NOS1AP: variants seen among roughly 807,000 people sequenced by gnomAD.
NOS1AP encodes the protein carboxyl-terminal PDZ ligand of neuronal nitric oxide synthase protein.
NOS1AP carries 21 observed loss-of-function variants against 56.2 expected under a neutral mutation model. The ratio of observed to expected loss-of-function variants is 0.37; its 90% CI spans 0.26 to 0.54. The LOEUF is 0.54. NOS1AP is among the 20% of genes least tolerant of loss of function. NOS1AP has a pLI of 0.84. For synonymous variants in NOS1AP, 270 were observed against 274.6 expected (o/e 0.98, Z 0.17); for missense variants, 522 against 657.8 (o/e 0.79, Z 2.26).
chr1:162,322,788 A>G (rs1656463637), intron 4 of NOS1AP, among the ~76,000 whole-genome samples: 1 of 152,194 alleles, frequency 6.6e-6, no homozygotes, highest in South Asian at 2.1e-4. Context: ...GGAATAAAAA[A>G]ATCCAGGCTT....
At chr1:162,176,213 A>G (rs1048561130) in intron 2 of NOS1AP, among the ~76,000 whole-genome samples, 1 of 152,170 alleles carries the variant, frequency 6.6e-6, no homozygotes, top group African/African-American at 2.4e-5. Context: ...CTCTTGTGCT[A>G]TAAAGTTCTG....
chr1:162,236,648 C>G (rs927767174), intron 2 of NOS1AP, among the ~76,000 whole-genome samples: 3 of 152,224 alleles, frequency 2.0e-5, no homozygotes, highest in South Asian at 2.1e-4. Flanking sequence ...CTCCAGCCCC[C>G]CTTTCCCTCT....
Position 162,070,056 on chromosome 1 carries a change from C to T in NOS1AP, c.-122C>T, listed in dbSNP as rs1198582261. The stretch of plus-strand genomic sequence containing the variant: ...CGCCGCGCGGCCAGGGCTCCCCCTG[C>T]CCAGCGCTCCCAGGCCCCGCCACGC... On this transcript the variant is annotated 5_prime_UTR_variant, in exon 1 of 10. Coordinates refer to ENST00000361897, the MANE Select transcript of NOS1AP (RefSeq NM_014697.3). 4.2e-6 allele frequency: 3 copies of T among 718,810 alleles called. No individual in the cohort carries two copies. The East Asian group carries it at 1.0e-4, about 24-fold the overall frequency. The allele number at this position is 718,810 out of a possible 1,614,324, so 44.5% of individuals were successfully genotyped here.
At chr1:162,208,970 T>C (rs1652255175) in intron 2 of NOS1AP, among the ~76,000 whole-genome samples, 1 of 152,252 alleles carries the variant, frequency 6.6e-6, no homozygotes, top group East Asian at 1.9e-4. Context: ...AGTTTTCATT[T>C]TGCTTTCCTT....
At chr1:162,084,713 C>G (rs1691966087) in intron 1 of NOS1AP, among the ~76,000 whole-genome samples, 1 of 152,102 alleles carries the variant, frequency 6.6e-6, no homozygotes, top group Non-Finnish European at 1.5e-5. Flanking sequence ...GGGTCTCACC[C>G]TGTCACCTGT....
At chr1:162,074,921 A>T (rs997751385) in intron 1 of NOS1AP, among the ~76,000 whole-genome samples, 3 of 152,166 alleles carry the variant, frequency 2.0e-5, no homozygotes, top group African/African-American at 7.2e-5. Context: ...GGGTGTTCCA[A>T]GCAGGAAAGC....
chr1:162,144,411 A>AG (rs1410559754), intron 1 of NOS1AP, among the ~76,000 whole-genome samples: 1 of 152,188 alleles, frequency 6.6e-6, no homozygotes, highest in East Asian at 1.9e-4. Flanking sequence ...ATCACATTCG[A>AG]GGTCACTTAA....
At chr1:162,150,870 A>G (rs765362080) in intron 1 of NOS1AP, among the ~76,000 whole-genome samples, 28 of 152,192 alleles carry the variant, frequency 1.8e-4, no homozygotes, top group Non-Finnish European at 3.8e-4. Flanking sequence ...ATCCCTTGTC[A>G]GATAGGAAGT....
chr1:162,219,347 A>G (rs1284784093), intron 2 of NOS1AP, among the ~76,000 whole-genome samples: 1 of 152,200 alleles, frequency 6.6e-6, no homozygotes, highest in Non-Finnish European at 1.5e-5. Flanking sequence ...ATATGTTTTT[A>G]GGTCTCAGAT....
chr1:162,364,952 T>C, intron 8 of NOS1AP: 1 of 1,028,340 alleles, frequency 9.7e-7, no homozygotes, highest in African/African-American at 1.7e-5. Context: ...AGTTTTGGTT[T>C]TGTTTTTTAG....
At chr1:162,151,476 C>A (rs73026942) in intron 1 of NOS1AP, among the ~76,000 whole-genome samples, 4,851 of 152,220 alleles carry the variant, frequency 0.032, 189 homozygotes, top group African/African-American at 0.086. Context: ...TCTTTTTGCT[C>A]AGGATAACTT....
chr1:162,202,277 G>A (rs535593528), intron 2 of NOS1AP, among the ~76,000 whole-genome samples: 1 of 152,278 alleles, frequency 6.6e-6, no homozygotes, highest in South Asian at 2.1e-4. Flanking sequence ...TTGAAGAATA[G>A]AGAATAATTT....
At chr1:162,146,156 G>A (rs753982999) in intron 1 of NOS1AP, among the ~76,000 whole-genome samples, 3 of 151,992 alleles carry the variant, frequency 2.0e-5, no homozygotes, top group African/African-American at 4.8e-5. Flanking sequence ...CCTTTCCTGC[G>A]GCCTTGCCTG....
intron 1 of NOS1AP, among the ~76,000 whole-genome samples, chr1:162,120,345 T>TA (rs1416119215): frequency 6.6e-6 from 1 of 152,136 alleles, no homozygotes; most frequent in Admixed American, 6.5e-5. Flanking sequence ...GGCCAAATGA[T>TA]AAAAATTTAT....
intron 2 of NOS1AP, among the ~76,000 whole-genome samples, chr1:162,260,428 T>C (rs771274916): frequency 6.6e-6 from 1 of 152,178 alleles, no homozygotes; most frequent in South Asian, 2.1e-4. Context: ...CCATCAAGCT[T>C]GTAACATCAG....
intron 1 of NOS1AP, among the ~76,000 whole-genome samples, chr1:162,081,635 C>A (rs1001421268): frequency 2.7e-5 from 4 of 149,456 alleles, no homozygotes; most frequent in African/African-American, 9.8e-5. Flanking sequence ...CAGCCTTGAC[C>A]TCCTGGGGCT....
At chr1:162,173,367 T>C (rs1004459774) in intron 2 of NOS1AP, among the ~76,000 whole-genome samples, 1 of 152,154 alleles carries the variant, frequency 6.6e-6, no homozygotes, top group African/African-American at 2.4e-5. Context: ...GCTAGCCATA[T>C]GTAGAAAGCT....
chr1:162,168,907 C>T (rs888272463), intron 2 of NOS1AP, among the ~76,000 whole-genome samples: 2 of 152,194 alleles, frequency 1.3e-5, no homozygotes, highest in Admixed American at 1.3e-4. Context: ...TTGGTTCAGG[C>T]CTGAATACCC....
chr1:162,144,359 G>A (rs1649361231), intron 1 of NOS1AP, among the ~76,000 whole-genome samples: 1 of 152,178 alleles, frequency 6.6e-6, no homozygotes, highest in Non-Finnish European at 1.5e-5. Flanking sequence ...TTCTTTCTCT[G>A]AGCCTTGATT....
Sources: gnomAD v4.1 joint callset for allele counts (sites outside exome capture counted in the v4.1 genomes callset) on GRCh38, gnomAD v4.1.1 for gene constraint, MANE v1.5 for transcripts, NCBI Gene and HGNC (gene_info 2026-07-23, HGNC 2026-07-21) for gene names.